Variants in PRMT9 observed in about 807,000 individuals in gnomAD.
PRMT9 encodes protein arginine N-methyltransferase 9.
A neutral mutation model predicts 83.2 loss-of-function variants in PRMT9; 59 were observed. The observed-to-expected ratio is 0.71, with a 90% confidence interval of 0.57 to 0.88. The LOEUF is 0.88. Ranked by LOEUF, PRMT9 falls within the 40% of genes least tolerant of loss-of-function variation. The pLI is 0.00. For missense variants in PRMT9, 947 were observed against 1,021.9 expected (o/e 0.93, Z 1.00); for synonymous variants, 333 against 353.2 (o/e 0.94, Z 0.64).
Position 147,683,908 on chromosome 4 carries a change from C to G in PRMT9, c.80G>C (p.Arg27Pro). The part of the protein sequence containing the change: ...GAAGRDELVS[R>P]SLQSAEHCLG... ...ACAGTGCTCTGCGCTCTGCAAGGAC[C>G]GCGACACCAGCTCGTCCCGGCCGGC... Residue 27 changes from arginine (R) to proline (P), a missense_variant, in exon 1 of 12, where the codon CGG becomes CCG. Physicochemically the swap from Arg to Pro is moderately radical, Grantham distance 103 (BLOSUM62 -2). Coordinates refer to ENST00000322396, the MANE Select transcript of PRMT9 (RefSeq NM_138364.4). 6.2e-7 allele frequency: 1 copy of G among 1,613,450 alleles called. No homozygotes were observed. The highest frequency in any genetic ancestry group is 1.7e-5 in the Admixed American group (1 of 60,012).
intron 9 of PRMT9, among the ~76,000 whole-genome samples, chr4:147,645,331 TA>T (rs765029799): frequency 5.3e-5 from 8 of 152,182 alleles, no homozygotes; most frequent in Non-Finnish European, 1.2e-4. Flanking sequence ...CAAGGACAAT[TA>T]AATTATAATG....
chr4:147,675,525 T>C (rs780163772), intron 2 of PRMT9, among the ~76,000 whole-genome samples: 26 of 152,328 alleles, frequency 1.7e-4, no homozygotes, highest in Non-Finnish European at 3.2e-4. Flanking sequence ...ATGTACATTG[T>C]ATGTAATCAT....
At chr4:147,652,502 T>C (rs1161509199) in intron 9 of PRMT9, among the ~76,000 whole-genome samples, 2 of 151,962 alleles carry the variant, frequency 1.3e-5, no homozygotes, top group Admixed American at 6.6e-5. Context: ...ATTGTACACA[T>C]AGGATTTCAT....
Position 147,673,882 on chromosome 4 carries a change from A to G in PRMT9, c.339-8T>C. Reference sequence around the variant, plus strand: ...TCATCCCTAAAGCCCATTCTAGAGTAAAAAATGACAAAAGACAAAATATAT... The same window carrying G: ...TCATCCCTAAAGCCCATTCTAGAGTGAAAAATGACAAAAGACAAAATATAT... On this transcript the variant is annotated splice_region_variant and splice_polypyrimidine_tract_variant and intron_variant, in intron 2 of 11. Transcript: ENST00000322396. 3.1e-6 allele frequency: 5 copies of G among 1,600,846 alleles called. No homozygotes were observed. Among genetic ancestry groups the G allele is most frequent in the South Asian group, 1.1e-5 (1 of 90,812 alleles).
intron 4 of PRMT9, among the ~76,000 whole-genome samples, chr4:147,672,248 T>C (rs539466703): frequency 6.6e-6 from 1 of 152,258 alleles, no homozygotes; most frequent in African/African-American, 2.4e-5. Context: ...AAGAAAACTT[T>C]TTAAAGTCAT....
At chr4:147,642,184 G>C (rs1733447305) in intron 10 of PRMT9, among the ~76,000 whole-genome samples, 1 of 152,064 alleles carries the variant, frequency 6.6e-6, no homozygotes, top group Non-Finnish European at 1.5e-5. Context: ...TTTTTCATAA[G>C]ATTAAAACCT....
intron 10 of PRMT9, among the ~76,000 whole-genome samples, chr4:147,640,903 C>G (rs1369232048): frequency 6.6e-6 from 1 of 152,022 alleles, no homozygotes; most frequent in Non-Finnish European, 1.5e-5. Flanking sequence ...TGTAGAGAGA[C>G]AGTCTCACTT....
chr4:147,659,219 G>A (rs1000014915), intron 7 of PRMT9, among the ~76,000 whole-genome samples: 1 of 149,742 alleles, frequency 6.7e-6, no homozygotes, highest in African/African-American at 2.5e-5. Flanking sequence ...TGGCCAACAT[G>A]GTGAAACACC....
At position 147,683,940 on chromosome 4, in the gene PRMT9, A is replaced by G; in HGVS notation, c.48T>C (p.Ala16=). 6.2e-7 allele frequency: 1 copy of G among 1,612,840 alleles called. No individual in the cohort carries two copies. The highest frequency in any genetic ancestry group is 8.5e-7 in the Non-Finnish European group (1 of 1,179,686). ...PRSRRDAGGG[A]GAAGRDELVS... ...CCAGCTCGTCCCGGCCGGCTGCCCC[A>G]GCGCCACCCCCGGCGTCTCGGCGGG... is the stretch of plus-strand genomic sequence containing the variant. The change falls in exon 1 of 12, where the codon GCT becomes GCC. Residue 16 remains alanine, a synonymous_variant. Transcript: ENST00000322396.
At chr4:147,653,547 G>T (rs1382828111) in intron 9 of PRMT9, among the ~76,000 whole-genome samples, 3 of 151,754 alleles carry the variant, frequency 2.0e-5, no homozygotes, top group African/African-American at 7.3e-5. Flanking sequence ...TAATCCTAAG[G>T]CTGGGGTTGA....
chr4:147,669,061 G>A (rs999511747), intron 5 of PRMT9, among the ~76,000 whole-genome samples: 15 of 151,960 alleles, frequency 9.9e-5, no homozygotes, highest in African/African-American at 3.6e-4. Context: ...ACTCCAGCCT[G>A]GGCTACAGAG....
rs535753899 is a variant in PRMT9, at chr4:147,650,804, C to T, written c.2045+3048G>A. ...AAGACAGACATACAGACCAACGGAA[C>T]TAGAAACAAGAGCCCAAGGCGGGCA... On this transcript the variant is annotated intron_variant, in intron 9 of 11. Transcript: ENST00000322396. 2.6e-5 allele frequency among the ~76,000 whole-genome samples: 4 copies of T among 152,240 alleles called. No homozygotes were observed. In the South Asian group the frequency reaches 8.3e-4, roughly 32 times the overall value.
intron 8 of PRMT9, among the ~76,000 whole-genome samples, chr4:147,655,904 T>C (rs1734453214): frequency 6.9e-6 from 1 of 144,370 alleles, no homozygotes; most frequent in African/African-American, 2.9e-5. Context: ...AGATCATCTG[T>C]CTAAGTTACT....
chr4:147,683,928 G>A lies in PRMT9; in HGVS notation c.60C>T (p.Gly20=). ...AGGACCGCGACACCAGCTCGTCCCG[G>A]CCGGCTGCCCCAGCGCCACCCCCGG... is the stretch of plus-strand genomic sequence containing the variant. ...RDAGGGAGAA[G]RDELVSRSLQ... The change falls in exon 1 of 12, where the codon GGC becomes GGT. Residue 20 remains glycine (G), a synonymous_variant. Transcript: ENST00000322396. The A allele has an allele frequency of 6.2e-7, 1 of 1,612,982 alleles. No homozygotes were observed. Among genetic ancestry groups the A allele is most frequent in the East Asian group, 2.2e-5 (1 of 44,870 alleles).
chr4:147,670,850 T>C (rs1426909709), intron 4 of PRMT9, 107 bp from the exon 5 acceptor site: 6 of 735,604 alleles, frequency 8.2e-6, no homozygotes, highest in Non-Finnish European at 1.4e-5. Context: ...AAACAGTCCA[T>C]ATGTAATATA....
At chr4:147,664,777 C>T (rs544775618) in intron 6 of PRMT9, among the ~76,000 whole-genome samples, 81 of 152,160 alleles carry the variant, frequency 5.3e-4, no homozygotes, top group African/African-American at 1.8e-3. Flanking sequence ...ATGTTCTGCA[C>T]ATGTATCCCA....
At chr4:147,651,979 A>G (rs1337585039) in intron 9 of PRMT9, among the ~76,000 whole-genome samples, 1 of 152,222 alleles carries the variant, frequency 6.6e-6, no homozygotes, top group East Asian at 1.9e-4. Flanking sequence ...TCATAATTTC[A>G]AAACAATTTT....
chr4:147,676,275 C>T (rs1401980481), intron 2 of PRMT9, among the ~76,000 whole-genome samples: 1 of 152,076 alleles, frequency 6.6e-6, no homozygotes, highest in Non-Finnish European at 1.5e-5. Flanking sequence ...TATCCTGAAA[C>T]ATAAGTCTTG....
chr4:147,645,491 A>G (rs1733670405), intron 9 of PRMT9, among the ~76,000 whole-genome samples: 1 of 152,190 alleles, frequency 6.6e-6, no homozygotes, highest in Non-Finnish European at 1.5e-5. Flanking sequence ...AAATATCCTG[A>G]GTGATAATTT....
Sources: allele counts gnomAD v4.1 joint callset (sites outside exome capture counted in the v4.1 genomes callset), GRCh38; gene constraint gnomAD v4.1.1; transcripts MANE v1.5; gene names NCBI Gene and HGNC (gene_info 2026-07-23, HGNC 2026-07-21).